Variants in ZMYM2 observed in about 807,000 individuals in gnomAD.
ZMYM2 encodes zinc finger MYM-type containing 2.
Under a neutral mutation model 162.8 loss-of-function variants are expected in ZMYM2, and 56 were observed. The observed-to-expected ratio is 0.34, with a 90% CI of 0.28 to 0.43. The LOEUF is 0.43. Among genes scored for constraint, ZMYM2 ranks in the 20% least tolerant of loss-of-function variants. The pLI, the probability that ZMYM2 is intolerant of heterozygous loss-of-function variation, is 1.00. For synonymous variants in ZMYM2, 510 were observed against 541.6 expected (o/e 0.94, Z 0.81); for missense variants, 1,275 against 1,621.8 (o/e 0.79, Z 3.67).
At chr13:19,890,641 C>T in the ZMYM2 span, among the ~76,000 whole-genome samples, 2 of 151,076 alleles carry the variant, frequency 1.3e-5, no homozygotes, top group African/African-American at 2.4e-5. Context: ...GAGGCTGAGG[C>T]GGGCAGATCA....
the ZMYM2 span, among the ~76,000 whole-genome samples, chr13:19,880,906 T>C: frequency 2.6e-5 from 4 of 151,994 alleles, no homozygotes; most frequent in South Asian, 8.3e-4. Flanking sequence ...TTGTTTTTTT[T>C]TTGAGACAGT....
At chr13:19,970,171 C>A in intron 2 of ZMYM2, 2 of 510,380 alleles carry the variant, frequency 3.9e-6, no homozygotes, top group Non-Finnish European at 5.0e-6. Flanking sequence ...TTTGGAACAC[C>A]AACAAGTGGT....
At chr13:19,865,790 G>A in the ZMYM2 span, among the ~76,000 whole-genome samples, 5 of 152,096 alleles carry the variant, frequency 3.3e-5, no homozygotes, top group Non-Finnish European at 4.4e-5. Context: ...CCATGATTTC[G>A]AGGGTTGTCG....
At chr13:19,877,488 A>G in the ZMYM2 span, among the ~76,000 whole-genome samples, 1 of 152,324 alleles carries the variant, frequency 6.6e-6, no homozygotes, top group Non-Finnish European at 1.5e-5. Context: ...CCTCCTTGGG[A>G]AGGCATTCAG....
chr13:19,920,713 T>C, the ZMYM2 span, among the ~76,000 whole-genome samples: 1 of 151,136 alleles, frequency 6.6e-6, no homozygotes, highest in Non-Finnish European at 1.5e-5. Flanking sequence ...AAAACTAGTG[T>C]ATACATGTCC....
Position 20,082,815 on chromosome 13 carries a change from C to A in ZMYM2, c.3603C>A (p.Leu1201=), listed in dbSNP as rs754787653. The A allele has an allele frequency of 1.7e-5, 28 of 1,612,324 alleles. No homozygotes were observed. Among genetic ancestry groups the A allele is most frequent in the Admixed American group, 3.3e-5 (2 of 59,968 alleles). ...SIFSRVEEDY[L]WRIKQLGSHS... ...TCTCTCGAGTTGAAGAAGACTATCT[C>A]TGGAGGATAAAACAACTAGGATCAC... Residue 1201 remains leucine, a synonymous_variant, in exon 23 of 25, where the codon CTC becomes CTA. Transcript: ENST00000610343.
intron 2 of ZMYM2, among the ~76,000 whole-genome samples, chr13:19,989,567 G>A (rs1190328718): frequency 1.3e-5 from 2 of 152,090 alleles, no homozygotes; most frequent in Admixed American, 6.5e-5. Flanking sequence ...GCCTCTGCCC[G>A]TCTACATGAG....
intron 21 of ZMYM2, among the ~76,000 whole-genome samples, chr13:20,080,053 G>A (rs969892808): frequency 1.3e-5 from 2 of 152,118 alleles, no homozygotes; most frequent in African/African-American, 4.8e-5. Context: ...TTAAATAGCT[G>A]GAATCATGAT....
intron 2 of ZMYM2, among the ~76,000 whole-genome samples, chr13:19,968,913 G>A (rs1453864651): frequency 1.3e-5 from 2 of 152,160 alleles, no homozygotes; most frequent in Middle Eastern, 3.2e-3. Flanking sequence ...TCATATAAAT[G>A]AGTAAATATA....
chr13:20,049,429 T>C (rs994506172), intron 12 of ZMYM2, among the ~76,000 whole-genome samples: 1 of 152,010 alleles, frequency 6.6e-6, no homozygotes, highest in Non-Finnish European at 1.5e-5. Flanking sequence ...TTCCAAATTA[T>C]TGTATAAACG....
intron 12 of ZMYM2, among the ~76,000 whole-genome samples, chr13:20,044,064 G>A (rs972333970): frequency 3.9e-5 from 6 of 152,122 alleles, no homozygotes; most frequent in Non-Finnish European, 5.9e-5. Flanking sequence ...CTTCTTATGG[G>A]CAAGACCTCC....
chr13:19,986,534 A>C (rs960508358), intron 2 of ZMYM2, among the ~76,000 whole-genome samples: 2 of 152,200 alleles, frequency 1.3e-5, no homozygotes, highest in Non-Finnish European at 2.9e-5. Flanking sequence ...TACTAAGGAG[A>C]AAGTTTCAGA....
chr13:19,965,142 CAGTT>C, intron 2 of ZMYM2: 1 of 758,422 alleles, frequency 1.3e-6, no homozygotes, highest in Non-Finnish European at 1.8e-6. Flanking sequence ...TTGGGATGCA[CAGTT>C]AGAAGTTGCA....
At chr13:19,970,463 T>C (rs543132706) in intron 2 of ZMYM2, among the ~76,000 whole-genome samples, 2 of 152,102 alleles carry the variant, frequency 1.3e-5, no homozygotes, top group Non-Finnish European at 2.9e-5. Flanking sequence ...GCTTGTTTCA[T>C]CTTTTGAGGA....
chr13:19,983,915 A>C lies in ZMYM2; in HGVS notation c.-10-9148A>C, dbSNP rs1594170286. ...AGTGCTGGGATTACAGGCGTGAGCC[A>C]CTGTGCCTGGCCAGGAATTTTTATT... On this transcript the variant is annotated intron_variant, in intron 2 of 24. Transcript: ENST00000610343. Among the ~76,000 whole-genome samples the C allele has an allele frequency of 1.3e-5, 2 of 152,320 alleles. 1 individual carries two copies. The highest frequency in any genetic ancestry group is 3.9e-4 in the East Asian group (2 of 5,178).
chr13:20,079,340 AAAAG>A lies in ZMYM2; in HGVS notation c.3454-2675_3454-2672del, dbSNP rs1216717963. ...TCAAAAAAAAAAAAAAAAAAAAAAA[AAAAG>A]GATACTTAATGAATTCAAATCCCAT... On this transcript the variant is annotated intron_variant, in intron 21 of 24. Transcript: ENST00000610343. Among the ~76,000 whole-genome samples the A allele has an allele frequency of 3.2e-3, 439 of 137,530 alleles. 61 individuals are homozygous for A. The highest frequency in any genetic ancestry group is 0.012 in the African/African-American group (407 of 34,164). The allele number at this position is 137,530 out of a possible 152,430, so 90.2% of individuals were successfully genotyped here. A position where few individuals can be genotyped will look rare whatever the true frequency, so the allele number is the denominator to read the frequency against.
chr13:20,048,459 A>G (rs1279659803), intron 12 of ZMYM2, among the ~76,000 whole-genome samples: 1 of 151,990 alleles, frequency 6.6e-6, no homozygotes, highest in Non-Finnish European at 1.5e-5. Flanking sequence ...GAATCACTCC[A>G]TTGTGCTCAG....
At chr13:19,898,298 T>C in the ZMYM2 span, among the ~76,000 whole-genome samples, 47 of 151,606 alleles carry the variant, frequency 3.1e-4, no homozygotes, top group Admixed American at 1.6e-3. Flanking sequence ...AGTGGCACGA[T>C]CTTGGCTCAC....
chr13:19,995,267 C>T (rs1443793670), intron 3 of ZMYM2, among the ~76,000 whole-genome samples: 1 of 152,074 alleles, frequency 6.6e-6, no homozygotes. Context: ...ATGCAAAAGG[C>T]TGTATATATT....
Sources: allele counts gnomAD v4.1 joint callset (sites outside exome capture counted in the v4.1 genomes callset), GRCh38; gene constraint gnomAD v4.1.1; transcripts MANE v1.5; gene names NCBI Gene and HGNC (gene_info 2026-07-23, HGNC 2026-07-21).